The following FGGY variants were observed in gnomAD, a reference collection of about 807,000 sequenced individuals.
FGGY encodes FGGY carbohydrate kinase domain containing.
In FGGY, 72 loss-of-function variants were observed where a neutral mutation model predicts 71.3. That is an observed-to-expected ratio of 1.01 (90% CI 0.84 to 1.23). The LOEUF (loss-of-function observed/expected upper bound fraction) is 1.23, where lower values mean the gene tolerates loss of function less well. FGGY is among the 50% of genes most tolerant of loss of function. The pLI, the probability that FGGY is intolerant of heterozygous loss-of-function variation, is 0.00. For synonymous variants in FGGY, 251 were observed against 250.3 expected (o/e 1.00, Z -0.02); for missense variants, 668 against 682.3 (o/e 0.98, Z 0.23).
Position 59,433,951 on chromosome 1 carries a change from A to G in FGGY, c.555-23010A>G, listed in dbSNP as rs114031314. On this transcript the variant is annotated intron_variant, in intron 5 of 15. Coordinates refer to ENST00000303721, the MANE Select transcript of FGGY (RefSeq NM_018291.5). ...GTTTTTGTTAGTGACAGAGACATGA[A>G]TTCAAGATCTGCCATTTATTATTTG... Among the ~76,000 whole-genome samples, 1,072 of 152,342 alleles carry G rather than the reference A, an allele frequency of 7.0e-3. 16 individuals are homozygous for G. Among genetic ancestry groups the G allele is most frequent in the African/African-American group, 0.025 (1,024 of 41,574 alleles).
chr1:59,489,569 A>G (rs2093762606), intron 6 of FGGY, among the ~76,000 whole-genome samples: 1 of 152,136 alleles, frequency 6.6e-6, no homozygotes, highest in African/African-American at 2.4e-5. Context: ...TTATGTCTGA[A>G]TAGTATTCCA....
intron 8 of FGGY, among the ~76,000 whole-genome samples, chr1:59,594,537 C>T (rs989334506): frequency 6.6e-6 from 1 of 152,178 alleles, no homozygotes; most frequent in African/African-American, 2.4e-5. Flanking sequence ...TGGCACCAGG[C>T]ACCCAAGGAA....
rs562769836 is a variant in FGGY at position 59,702,620 on chromosome 1, G to A, written c.1512+28487G>A. ...TTAATGTGGTCTAGATGCCAGAGGT[G>A]GAGAGCTGGCTTGGAAAGTAGGGAC... On this transcript the variant is annotated intron_variant, in intron 14 of 15. Transcript: ENST00000303721. Among the ~76,000 whole-genome samples the A allele has an allele frequency of 2.6e-5, 4 of 152,292 alleles. No individual in the cohort carries two copies. The East Asian group carries it at 7.7e-4, about 29-fold the overall frequency.
intron 3 of FGGY, 69 bp from the exon 4 acceptor site, chr1:59,346,178 A>G: frequency 2.5e-6 from 4 of 1,576,644 alleles, no homozygotes; most frequent in South Asian, 1.1e-5. Flanking sequence ...TTGGGAATCC[A>G]TAATTGTTCC....
chr1:59,313,103 G>A (rs1003167053), intron 1 of FGGY, among the ~76,000 whole-genome samples: 5 of 152,138 alleles, frequency 3.3e-5, no homozygotes, highest in African/African-American at 1.2e-4. Context: ...CAGTAAACTG[G>A]TACCTCCATT....
chr1:59,434,114 C>T (rs1258537294), intron 5 of FGGY, among the ~76,000 whole-genome samples: 1 of 152,208 alleles, frequency 6.6e-6, no homozygotes, highest in Non-Finnish European at 1.5e-5. Context: ...AAGGCTTAAA[C>T]TCCCTAGTAT....
At chr1:59,492,204 T>G (rs745977309) in intron 6 of FGGY, among the ~76,000 whole-genome samples, 3 of 152,188 alleles carry the variant, frequency 2.0e-5, no homozygotes, top group Non-Finnish European at 4.4e-5. Flanking sequence ...GTAGTCTGTT[T>G]CCTTCATTTC....
intron 6 of FGGY, among the ~76,000 whole-genome samples, chr1:59,462,658 G>T (rs1055622029): frequency 2.6e-5 from 4 of 152,122 alleles, no homozygotes; most frequent in African/African-American, 9.7e-5. Flanking sequence ...GATATGAACA[G>T]ACACTTCTCA....
intron 7 of FGGY, among the ~76,000 whole-genome samples, chr1:59,551,687 C>T (rs370104026): frequency 2.0e-5 from 3 of 151,970 alleles, no homozygotes; most frequent in African/African-American, 4.8e-5. Context: ...GAATCACAGC[C>T]CAGTTCCTTG....
chr1:59,589,775 CAT>C (rs2096391603), intron 8 of FGGY, among the ~76,000 whole-genome samples: 3 of 152,164 alleles, frequency 2.0e-5, no homozygotes, highest in South Asian at 4.2e-4. Flanking sequence ...ATCTCTGGGA[CAT>C]ATTCAAAGCA....
intron 6 of FGGY, among the ~76,000 whole-genome samples, chr1:59,484,346 A>G (rs1381037283): frequency 6.6e-6 from 1 of 152,006 alleles, no homozygotes; most frequent in Non-Finnish European, 1.5e-5. Flanking sequence ...ATTCTCCCTT[A>G]TATCATCTTT....
At chr1:59,512,202 A>C in intron 6 of FGGY, 109 bp from the exon 7 acceptor site, 4 of 1,229,148 alleles carry the variant, frequency 3.3e-6, no homozygotes. Flanking sequence ...TTATCTTTGC[A>C]AATGCAGAGG....
chr1:59,492,092 T>C (rs1376677302), intron 6 of FGGY, among the ~76,000 whole-genome samples: 1 of 152,310 alleles, frequency 6.6e-6, no homozygotes, highest in South Asian at 2.1e-4. Flanking sequence ...CTTTCACTTC[T>C]GTTCCTATCA....
chr1:59,682,983 G>A (rs1432450003), intron 14 of FGGY, among the ~76,000 whole-genome samples: 1 of 152,102 alleles, frequency 6.6e-6, no homozygotes, highest in Non-Finnish European at 1.5e-5. Context: ...ACATCCTGGG[G>A]CCAACTCCTT....
At chr1:59,658,460 A>C (rs1238243299) in intron 11 of FGGY, among the ~76,000 whole-genome samples, 1 of 152,220 alleles carries the variant, frequency 6.6e-6, no homozygotes, top group South Asian at 2.1e-4. Context: ...ATTATTTGCC[A>C]AGAAAAACTG....
intron 10 of FGGY, among the ~76,000 whole-genome samples, chr1:59,635,377 T>C (rs1301366256): frequency 1.3e-5 from 2 of 152,182 alleles, no homozygotes; most frequent in Non-Finnish European, 2.9e-5. Flanking sequence ...TGGCCATATA[T>C]GTAGAGGCTA....
chr1:59,449,466 G>A (rs925981761), intron 5 of FGGY, among the ~76,000 whole-genome samples: 1 of 151,986 alleles, frequency 6.6e-6, no homozygotes. Context: ...TGTATTTTTA[G>A]TAGAGATGGG....
intron 11 of FGGY, among the ~76,000 whole-genome samples, chr1:59,655,155 C>T (rs928458254): frequency 6.6e-6 from 1 of 152,170 alleles, no homozygotes; most frequent in Non-Finnish European, 1.5e-5. Context: ...GAAGGAGATA[C>T]GTTACTCCCA....
chr1:59,519,146 G>A (rs1018147611), intron 7 of FGGY, among the ~76,000 whole-genome samples: 4 of 152,206 alleles, frequency 2.6e-5, no homozygotes, highest in South Asian at 2.1e-4. Context: ...TGAGAGATGC[G>A]TGACTTAAGC....
Sources: gnomAD v4.1 joint callset for allele counts (sites outside exome capture counted in the v4.1 genomes callset) on GRCh38, gnomAD v4.1.1 for gene constraint, MANE v1.5 for transcripts, NCBI Gene and HGNC (gene_info 2026-07-23, HGNC 2026-07-21) for gene names.